Variants in HRH1 observed in about 807,000 individuals in gnomAD.
The protein encoded by HRH1 is histamine receptor H1, also known as histamine H1 receptor.
In HRH1, 6 loss-of-function variants were observed where a neutral mutation model predicts 10.3. The observed-to-expected ratio is 0.58, with a 90% confidence interval of 0.32 to 1.15. The LOEUF is 1.15. Ranked by LOEUF, HRH1 falls within the 50% of genes most tolerant of loss-of-function variation. HRH1 has a pLI of 0.05. For synonymous variants in HRH1, 242 were observed against 236.7 expected, an observed-to-expected ratio of 1.02 and a Z score of -0.21; for missense variants, 514 against 615.3, an observed-to-expected ratio of 0.84 and a Z score of 1.74.
chr3:11,232,711 G>A (rs962909559), intron 1 of HRH1, among the ~76,000 whole-genome samples: 9 of 152,072 alleles, frequency 5.9e-5, no homozygotes, highest in East Asian at 1.9e-4. Flanking sequence ...AAATCTGTAC[G>A]TTAATTTGGG....
chr3:11,151,793 C>G (rs1218535540), upstream of HRH1, among the ~76,000 whole-genome samples: 1 of 152,206 alleles, frequency 6.6e-6, no homozygotes, highest in Admixed American at 6.5e-5. Context: ...GGGCGAGCCA[C>G]CATGCCCGGC....
chr3:11,189,761 TA>T (rs1201221950), intron 1 of HRH1, among the ~76,000 whole-genome samples: 4 of 138,602 alleles, frequency 2.9e-5, no homozygotes, highest in African/African-American at 5.3e-5. Flanking sequence ...CCATCTCTAC[TA>T]AAAAAATAAA....
intron 1 of HRH1, among the ~76,000 whole-genome samples, chr3:11,184,019 G>A (rs1439990949): frequency 1.3e-5 from 2 of 152,014 alleles, no homozygotes. Flanking sequence ...CCTAAGGTCA[G>A]GCATTGTGTC....
In HRH1 at chr3:11,261,200, C is replaced by G. The variant is rs1939945306; in HGVS notation, c.*699C>G. ...ATTATGCAGCTTGCACACCCATCGT[C>G]TTTAACCCCAAATTTCCTTTGGCTA... On this transcript the variant is annotated 3_prime_UTR_variant, in exon 2 of 2. Coordinates refer to ENST00000431010, the MANE Select transcript of HRH1 (RefSeq NM_001098212.2). The G allele has an allele frequency of 1.2e-5, 2 of 167,074 alleles. No individual in the cohort carries two copies. Among genetic ancestry groups the G allele is most frequent in the African/African-American group, 4.8e-5 (2 of 41,456 alleles). The allele number at this position is 167,074 out of a possible 1,614,324, so 10.3% of individuals were successfully genotyped here.
chr3:11,246,380 C>T (rs1939490013), intron 1 of HRH1, among the ~76,000 whole-genome samples: 1 of 152,218 alleles, frequency 6.6e-6, no homozygotes, highest in Admixed American at 6.5e-5. Context: ...TCAGAGAGGG[C>T]ACCTCAGACC....
intron 1 of HRH1, among the ~76,000 whole-genome samples, chr3:11,239,874 A>C (rs1211842245): frequency 6.6e-6 from 1 of 151,066 alleles, no homozygotes; most frequent in East Asian, 2.0e-4. Context: ...GAAATCTTTT[A>C]GTTTTTAAAT....
At chr3:11,148,810 CTTT>C (rs755029776) in intron 1 of HRH1, among the ~76,000 whole-genome samples, 1,881 of 84,412 alleles carry the variant, frequency 0.022, 19 homozygotes, top group African/African-American at 0.083. Context: ...AAACCACAGT[CTTT>C]TTTTTTTTTT....
intron 1 of HRH1, among the ~76,000 whole-genome samples, chr3:11,183,855 C>T (rs1355051952): frequency 3.7e-4 from 34 of 91,930 alleles, no homozygotes; most frequent in Middle Eastern, 8.9e-3. Context: ...GGAAAGCTTG[C>T]TTTTTTTTTT....
At chr3:11,196,466 C>A (rs144666791) in intron 1 of HRH1, among the ~76,000 whole-genome samples, 1 of 151,968 alleles carries the variant, frequency 6.6e-6, no homozygotes, top group African/African-American at 2.4e-5. Context: ...AGTGCAGTGG[C>A]GTGATCTTGG....
intron 1 of HRH1, among the ~76,000 whole-genome samples, chr3:11,163,504 C>G (rs940915099): frequency 5.3e-5 from 8 of 151,090 alleles, no homozygotes; most frequent in African/African-American, 2.0e-4. Context: ...CCGAGCTCTA[C>G]CACTTAGTCA....
rs71055851 is a variant in HRH1, at chr3:11,180,948, T to TACACACACACACACAC, written c.-36+26431_-36+26446dup. 2.5e-3 allele frequency among the ~76,000 whole-genome samples: 305 copies of TACACACACACACACAC among 121,114 alleles called. 9 individuals carry two copies. Among genetic ancestry groups the TACACACACACACACAC allele is most frequent in the African/African-American group, 5.7e-3 (185 of 32,554 alleles). 79.5% of individuals were successfully genotyped at this position (121,114 alleles called of 152,430 possible). Reference sequence around the variant, plus strand: ...TGTGGACATACACTTCTCTCAGGCATACACACACACACACACACACACACA... The same window carrying TACACACACACACACAC: ...TGTGGACATACACTTCTCTCAGGCATACACACACACACACACACACACACACACACACACACACACA... On this transcript the variant is annotated intron_variant, in intron 1 of 1. Transcript: ENST00000431010.
At chr3:11,185,221 G>A (rs772597761) in intron 1 of HRH1, among the ~76,000 whole-genome samples, 1 of 152,136 alleles carries the variant, frequency 6.6e-6, no homozygotes, top group African/African-American at 2.4e-5. Flanking sequence ...TAGCCAGAGA[G>A]GGCAGGAGCC....
At chr3:11,157,127 G>C (rs562813441) in intron 1 of HRH1, among the ~76,000 whole-genome samples, 1 of 152,318 alleles carries the variant, frequency 6.6e-6, no homozygotes, top group East Asian at 1.9e-4. Flanking sequence ...TTTTCAATCA[G>C]CTGTTTTCTA....
intron 1 of HRH1, among the ~76,000 whole-genome samples, chr3:11,164,253 G>C (rs911149377): frequency 4.6e-5 from 7 of 152,200 alleles, no homozygotes; most frequent in Non-Finnish European, 1.0e-4. Context: ...AGGTTAACAG[G>C]AAGTAATTAA....
chr3:11,208,336 TA>T (rs1938212774), intron 1 of HRH1, among the ~76,000 whole-genome samples: 1 of 152,088 alleles, frequency 6.6e-6, no homozygotes, highest in African/African-American at 2.4e-5. Flanking sequence ...TATTTTTTTG[TA>T]GAGACAGTTT....
chr3:11,252,494 T>C (rs1939677975), intron 1 of HRH1, among the ~76,000 whole-genome samples: 1 of 152,182 alleles, frequency 6.6e-6, no homozygotes, highest in South Asian at 2.1e-4. Context: ...GGAGACTCCG[T>C]AAACCCCCGG....
At chr3:11,188,089 T>C (rs1384833372) in intron 1 of HRH1, among the ~76,000 whole-genome samples, 1 of 152,200 alleles carries the variant, frequency 6.6e-6, no homozygotes, top group African/African-American at 2.4e-5. Flanking sequence ...ATAGCCACCT[T>C]CATTAATAAG....
chr3:11,234,570 G>A (rs1028586945), intron 1 of HRH1: 11 of 1,443,656 alleles, frequency 7.6e-6, no homozygotes, highest in Admixed American at 1.7e-5. Context: ...CATGCTCCTC[G>A]TATGGATCGT....
chr3:11,189,024 C>T (rs377070513), intron 1 of HRH1, among the ~76,000 whole-genome samples: 16 of 152,212 alleles, frequency 1.1e-4, no homozygotes, highest in South Asian at 8.3e-4. Context: ...TTTGCTACAG[C>T]GTGTGCAGGA....
Sources: allele counts gnomAD v4.1 joint callset (sites outside exome capture counted in the v4.1 genomes callset), GRCh38; gene constraint gnomAD v4.1.1; transcripts MANE v1.5; gene names NCBI Gene and HGNC (gene_info 2026-07-23, HGNC 2026-07-21).